BAHCC1: variants seen among roughly 807,000 people sequenced by gnomAD.
BAHCC1 encodes BAH and coiled-coil domain-containing protein 1.
A neutral mutation model predicts 88.2 loss-of-function variants in BAHCC1; 43 were observed. The observed-to-expected ratio is 0.49, with a 90% CI of 0.38 to 0.63. BAHCC1 has a LOEUF of 0.63. Among genes scored for constraint, BAHCC1 ranks in the 20% least tolerant of loss-of-function variants. The pLI, the probability that BAHCC1 is intolerant of heterozygous loss-of-function variation, is 0.00. For synonymous variants in BAHCC1, 1,510 were observed against 745.5 expected (o/e 2.03, Z -16.71); for missense variants, 3,023 against 1,654.8 (o/e 1.83, Z -14.34).
rs376980858 is a variant in BAHCC1 at position 81,442,486 on chromosome 17, G to A, written c.1137G>A (p.Leu379=). The A allele has an allele frequency of 1.2e-3, 877 of 720,776 alleles. 2 individuals are homozygous for A. The highest frequency in any genetic ancestry group is 1.7e-3 in the Non-Finnish European group (679 of 389,288). 44.6% of individuals were successfully genotyped at this position (720,776 alleles called of 1,614,324 possible). A position where few individuals can be genotyped will look rare whatever the true frequency, so the allele number is the denominator to read the frequency against. ...LHGGPDGLCP[L]QDKAPRDLKA... ...GGGGCCCTGACGGGCTCTGCCCGCTGCAGGACAAAGCCCCCCGGGACCTAA... is the reference window on the plus strand; with the variant it reads ...GGGGCCCTGACGGGCTCTGCCCGCTACAGGACAAAGCCCCCCGGGACCTAA... Residue 379 remains leucine, a synonymous_variant, in exon 5 of 28, where the codon CTG becomes CTA. Transcript: ENST00000675386.
At chr17:81,428,440 G>C (rs1373876033) in intron 3 of BAHCC1, among the ~76,000 whole-genome samples, 1 of 152,182 alleles carries the variant, frequency 6.6e-6, no homozygotes, top group East Asian at 1.9e-4. Flanking sequence ...GCCTGGTCCT[G>C]GCCCAGCCAC....
intron 22 of BAHCC1, 49 bp from the exon 23 acceptor site, chr17:81,459,447 C>G: frequency 2.6e-6 from 2 of 774,548 alleles, no homozygotes; most frequent in Non-Finnish European, 4.8e-6. Flanking sequence ...CTCAGGCAGC[C>G]CTGGGCCAGG....
chr17:81,440,905 A>G (rs1331242562), intron 4 of BAHCC1, among the ~76,000 whole-genome samples: 1 of 152,212 alleles, frequency 6.6e-6, no homozygotes, highest in Non-Finnish European at 1.5e-5. Context: ...GGTGTCCAGC[A>G]GGTGGGTGAG....
At position 81,444,445 on chromosome 17, in the gene BAHCC1, G is replaced by GC. The variant is rs2064483267; in HGVS notation, c.2395dup (p.His799ProfsTer281). On this transcript the variant is annotated frameshift_variant, in exon 7 of 28. Coordinates refer to ENST00000675386, the MANE Select transcript of BAHCC1 (RefSeq NM_001377448.1). LOFTEE classifies it high-confidence loss of function. Reference sequence around the variant, plus strand: ...ACCGAGCAGCTGCCCTGGGGACCTGGCCCCCCACCTCATGATGCAGAGCGG... The same window carrying GC: ...ACCGAGCAGCTGCCCTGGGGACCTGGCCCCCCCACCTCATGATGCAGAGCGG... 1 of 742,688 alleles carries GC rather than the reference G, an allele frequency of 1.3e-6. No individual in the cohort carries two copies. Among genetic ancestry groups the GC allele is most frequent in the Admixed American group, 1.8e-5 (1 of 55,026 alleles). 46.0% of individuals were successfully genotyped at this position (742,688 alleles called of 1,614,324 possible).
chr17:81,430,468 C>T (rs1304631509), intron 3 of BAHCC1, among the ~76,000 whole-genome samples: 1 of 152,174 alleles, frequency 6.6e-6, no homozygotes, highest in Non-Finnish European at 1.5e-5. Context: ...CTGGGCCTGG[C>T]CAGCTCCTGG....
intron 8 of BAHCC1, 32 bp from the exon 9 acceptor site, chr17:81,444,983 C>G (rs782144736): frequency 1.4e-6 from 1 of 716,308 alleles, no homozygotes; most frequent in East Asian, 2.6e-5. Flanking sequence ...CCCTCCCCAG[C>G]CAGGCTGACC....
At position 81,461,400 on chromosome 17, in the gene BAHCC1, A is replaced by G. The variant is rs368976983; in HGVS notation, c.6737A>G (p.Tyr2246Cys). ...GGGCGGCCCCTGCCCAGCCCCAGCT[A>G]TGTGCACCCGGCCCTTGTGGGCAAG... ...KLGRPLPSPS[Y>C]VHPALVGKDK... Residue 2246 changes from tyrosine to cysteine, a missense_variant, in exon 26 of 28, where the codon TAT (tyrosine) becomes TGT (cysteine). Transcript: ENST00000675386. 4 of 724,006 alleles carry G rather than the reference A, an allele frequency of 5.5e-6. No homozygotes were observed. Among genetic ancestry groups the G allele is most frequent in the African/African-American group, 3.4e-5 (2 of 58,330 alleles). The allele number at this position is 724,006 out of a possible 1,614,324, so 44.8% of individuals were successfully genotyped here. A position where few individuals can be genotyped will look rare whatever the true frequency, so the allele number is the denominator to read the frequency against.
chr17:81,432,901 GGCCCACCCTTCCCCC>G (rs2064284557), intron 3 of BAHCC1, among the ~76,000 whole-genome samples: 17 of 11,502 alleles, frequency 1.5e-3, no homozygotes, highest in Non-Finnish European at 4.2e-4. Flanking sequence ...CCCATCCCCA[GGCCCACCCTTCCCCC>G]CATCCCCAGG....
intron 3 of BAHCC1, among the ~76,000 whole-genome samples, chr17:81,428,994 C>T (rs2064231131): frequency 6.6e-6 from 1 of 152,214 alleles, no homozygotes; most frequent in South Asian, 2.1e-4. Flanking sequence ...GCGGGGGTGG[C>T]CTGAGCCGGA....
At chr17:81,449,790 C>T (rs1485820423) in intron 11 of BAHCC1, among the ~76,000 whole-genome samples, 1 of 152,130 alleles carries the variant, frequency 6.6e-6, no homozygotes, top group Non-Finnish European at 1.5e-5. Context: ...CTTTGCACCC[C>T]AGCATCTGCC....
rs1555651581 is a variant in BAHCC1 at position 81,435,429 on chromosome 17, C to T, written c.359-2941C>T. 6 of 470,136 alleles carry T rather than the reference C, an allele frequency of 1.3e-5. 1 individual carries two copies. The highest frequency in any genetic ancestry group is 7.7e-5 in the South Asian group (5 of 64,568). 29.1% of individuals were successfully genotyped at this position (470,136 alleles called of 1,614,324 possible). On this transcript the variant is annotated intron_variant, in intron 3 of 27. Coordinates refer to ENST00000675386, the MANE Select transcript of BAHCC1 (RefSeq NM_001377448.1). This position sits in a 1 kb window ranked among gnomAD's most constrained non-coding sequence, Gnocchi z 4.4. ...CCACTGCCCCCAGGGCTCTTCCCCACGCTCCACCAGGCTCCGAGGGCACCA... is the reference window on the plus strand; with the variant it reads ...CCACTGCCCCCAGGGCTCTTCCCCATGCTCCACCAGGCTCCGAGGGCACCA...
chr17:81,420,069 C>T (rs534415262), intron 2 of BAHCC1, among the ~76,000 whole-genome samples: 8 of 152,204 alleles, frequency 5.3e-5, no homozygotes, highest in African/African-American at 1.9e-4. Flanking sequence ...TCCTCGGGAC[C>T]CTGGATGGGG....
chr17:81,445,331 G>A (rs781912792), intron 9 of BAHCC1, 23 bp from the exon 10 acceptor site: 38 of 762,166 alleles, frequency 5.0e-5, no homozygotes, highest in Non-Finnish European at 7.3e-5. Flanking sequence ...GAGCCTGACC[G>A]AGCTTGCCCC....
At chr17:81,396,719 G>GC (rs1317787370) in intron 1 of BAHCC1, 29 of 152,338 alleles carry the variant, frequency 1.9e-4, no homozygotes, top group Admixed American at 1.7e-3. Flanking sequence ...ATCCTGGAGC[G>GC]CGCCAGCCAC....
chr17:81,406,916 C>T (rs1005724373), intron 2 of BAHCC1: 35 of 456,200 alleles, frequency 7.7e-5, no homozygotes, highest in African/African-American at 6.4e-4. Flanking sequence ...CGATTAGGTT[C>T]CCGATCGGAT....
At chr17:81,449,626 G>A (rs530681142) in intron 11 of BAHCC1, among the ~76,000 whole-genome samples, 7 of 152,176 alleles carry the variant, frequency 4.6e-5, no homozygotes, top group African/African-American at 1.7e-4. Context: ...CAGTGGAAGG[G>A]GCCTGCAGAT....
rs1555658748 is a variant in BAHCC1, at chr17:81,460,332, T to C, written c.5961T>C (p.Asp1987=). The C allele has an allele frequency of 1.9e-5, 15 of 776,792 alleles. No homozygotes were observed. The highest frequency in any genetic ancestry group is 2.4e-6 in the Non-Finnish European group (1 of 416,576). 48.1% of individuals were successfully genotyped at this position (776,792 alleles called of 1,614,324 possible). A position where few individuals can be genotyped will look rare whatever the true frequency, so the allele number is the denominator to read the frequency against. ...DLDSVVVEFD[D]GDTGHIAVSN... Reference sequence around the variant, plus strand: ...ACTCAGTAGTGGTGGAATTTGACGATGGGGATACAGGCCACATCGCCGTCT... The same window carrying C: ...ACTCAGTAGTGGTGGAATTTGACGACGGGGATACAGGCCACATCGCCGTCT... The change falls in exon 24 of 28, where the codon GAT becomes GAC. Residue 1987 remains aspartate (D), a synonymous_variant. Transcript: ENST00000675386.
Position 81,444,817 on chromosome 17 carries a change from C to A in BAHCC1, c.2662C>A (p.His888Asn). 1 of 776,162 alleles carries A rather than the reference C, an allele frequency of 1.3e-6. No individual in the cohort carries two copies. Among genetic ancestry groups the A allele is most frequent in the East Asian group, 2.4e-5 (1 of 41,112 alleles). The allele number at this position is 776,162 out of a possible 1,614,324, so 48.1% of individuals were successfully genotyped here. A position where few individuals can be genotyped will look rare whatever the true frequency, so the allele number is the denominator to read the frequency against. ...AGAGCCCACACCCCACAGCGCCCCC[C>A]ACGCACTTGGTAAGGGCCCCTGGTC... Reference protein sequence around the residue: ...PSEPTPHSAPHALADVMDQAS... With the variant: ...PSEPTPHSAPNALADVMDQAS... Residue 888 changes from histidine (H) to asparagine (N), a missense_variant, in exon 8 of 28, where the codon CAC (histidine) becomes AAC (asparagine). Physicochemically the swap from His to Asn is moderately conservative, Grantham distance 68. Coordinates refer to ENST00000675386, the MANE Select transcript of BAHCC1 (RefSeq NM_001377448.1).
chr17:81,399,849 C>A lies in BAHCC1; in HGVS notation c.110C>A (p.Ala37Glu). Residue 37 changes from alanine (A) to glutamate (E), a missense_variant, in exon 2 of 28, where the codon GCG becomes GAG. Transcript: ENST00000675386. The surrounding 1 kb of genome is among the most constrained non-coding windows in gnomAD (Gnocchi z 4.5). ...AARLAPAGPA[A>E]QPPAHFQPGK... is the part of the protein sequence containing the mutation. ...CGTCTCGCCCCGGCTGGGCCCGCCG[C>A]GCAGCCCCCCGCACACTTCCAGCCG... 1 of 1,387,554 alleles carries A rather than the reference C, an allele frequency of 7.2e-7. No individual in the cohort carries two copies. The highest frequency in any genetic ancestry group is 1.6e-5 in the South Asian group (1 of 63,380). The allele number at this position is 1,387,554 out of a possible 1,614,324, so 86.0% of individuals were successfully genotyped here.
Sources: gnomAD v4.1 joint callset for allele counts (sites outside exome capture counted in the v4.1 genomes callset) on GRCh38, gnomAD v4.1.1 for gene constraint, Gnocchi (gnomAD v3.1) non-coding constraint, MANE v1.5 for transcripts, NCBI Gene and HGNC (gene_info 2026-07-23, HGNC 2026-07-21) for gene names.